Variants in TAOK3 observed in about 807,000 individuals in gnomAD.
TAOK3 encodes the protein TAO kinase 3.
Under a neutral mutation model 120.4 loss-of-function variants are expected in TAOK3, and 40 were observed. That is an observed-to-expected ratio of 0.33 (90% CI 0.26 to 0.43). TAOK3 has a LOEUF of 0.43. Ranked by LOEUF, TAOK3 falls within the 20% of genes least tolerant of loss-of-function variation. The pLI is 1.00. For missense variants in TAOK3, 821 were observed against 1,112.1 expected (o/e 0.74, Z 3.72); for synonymous variants, 355 against 387.5 (o/e 0.92, Z 0.99).
At chr12:118,182,760 T>A (rs2036843978) in intron 14 of TAOK3, among the ~76,000 whole-genome samples, 1 of 151,306 alleles carries the variant, frequency 6.6e-6, no homozygotes, top group South Asian at 2.1e-4. Context: ...GTCTCCCCCA[T>A]CCCCTTCTCT....
In TAOK3 at chr12:118,242,959, A is replaced by G. The variant is rs183515224; in HGVS notation, c.294+456T>C. Among the ~76,000 whole-genome samples, 41 of 151,822 alleles carry G rather than the reference A, an allele frequency of 2.7e-4. 1 individual carries two copies. Among genetic ancestry groups the G allele is most frequent in the Admixed American group, 2.4e-3 (36 of 15,232 alleles). On this transcript the variant is annotated intron_variant, in intron 5 of 20. Transcript: ENST00000392533. ...TATATATTTATATATATATATCACA[A>G]TAAGATGACAGAGTGGAACAAAAGT...
chr12:118,256,932 A>G (rs964066021), intron 2 of TAOK3, among the ~76,000 whole-genome samples: 14 of 152,214 alleles, frequency 9.2e-5, no homozygotes, highest in African/African-American at 3.4e-4. Flanking sequence ...GAGATATTAC[A>G]AAAATTCATT....
At position 118,371,747 on chromosome 12, in the gene TAOK3, G is replaced by A. The variant is rs2045901068; in HGVS notation, c.-194+901C>T. Among the ~76,000 whole-genome samples, 2 of 152,014 alleles carry A rather than the reference G, an allele frequency of 1.3e-5. No homozygotes were observed. Among genetic ancestry groups the A allele is most frequent in the South Asian group, 4.1e-4 (2 of 4,826 alleles). On this transcript the variant is annotated intron_variant, in intron 1 of 20. Transcript: ENST00000392533. This position sits in a 1 kb window ranked among gnomAD's most constrained non-coding sequence, Gnocchi z 5.5. ...CGCCCGCTCCCTCGCTGCTCACGCC[G>A]GGCCCCCGCTATGTGACTGGGGGCC... is the stretch of plus-strand genomic sequence containing the variant.
At chr12:118,329,042 T>C (rs1017839763) in intron 1 of TAOK3, among the ~76,000 whole-genome samples, 1 of 152,066 alleles carries the variant, frequency 6.6e-6, no homozygotes, top group African/African-American at 2.4e-5. Flanking sequence ...AACAGAATAA[T>C]GTAGCACACT....
intron 13 of TAOK3, among the ~76,000 whole-genome samples, chr12:118,196,580 A>C (rs353896): frequency 0.47 from 71,383 of 151,708 alleles, 17,495 homozygotes; most frequent in Non-Finnish European, 0.54. Flanking sequence ...GGGACAAAAG[A>C]TTCCTTCTCC....
At chr12:118,233,829 A>T in intron 8 of TAOK3, 64 bp from the exon 9 acceptor site, 2 of 987,270 alleles carry the variant, frequency 2.0e-6, no homozygotes, top group South Asian at 2.8e-5. Context: ...CAGGAAAGTG[A>T]TTCAATGAAA....
chr12:118,193,214 AT>A (rs891213872), intron 13 of TAOK3, among the ~76,000 whole-genome samples: 72 of 151,652 alleles, frequency 4.7e-4, no homozygotes, highest in African/African-American at 1.6e-3. Context: ...TACCTGGCTA[AT>A]TTTTTTGTAT....
intron 9 of TAOK3, among the ~76,000 whole-genome samples, chr12:118,226,211 T>A (rs1274790884): frequency 6.6e-6 from 1 of 152,176 alleles, no homozygotes; most frequent in Non-Finnish European, 1.5e-5. Flanking sequence ...CCGTCTCTAC[T>A]GAAAATACAA....
intron 1 of TAOK3, among the ~76,000 whole-genome samples, chr12:118,280,898 G>A (rs1260946915): frequency 6.6e-6 from 1 of 152,090 alleles, no homozygotes; most frequent in Non-Finnish European, 1.5e-5. Context: ...AGTTCTCATT[G>A]TAGAGATCTT....
rs189133487 is a variant in TAOK3 at position 118,195,199 on chromosome 12, T to A, written c.1194+3852A>T. Among the ~76,000 whole-genome samples the A allele has an allele frequency of 2.7e-3, 417 of 152,224 alleles. 4 individuals carry two copies. The highest frequency in any genetic ancestry group is 0.022 in the Admixed American group (333 of 15,292). On this transcript the variant is annotated intron_variant, in intron 13 of 20. Coordinates refer to ENST00000392533, the MANE Select transcript of TAOK3 (RefSeq NM_016281.4). ...TGGCGTTCAATAAGCATACCTAAAATAACACTGATTCAAGAACAATGCTTT... is the reference window on the plus strand; with the variant it reads ...TGGCGTTCAATAAGCATACCTAAAAAAACACTGATTCAAGAACAATGCTTT...
At chr12:118,260,022 A>G (rs2041157825) in intron 2 of TAOK3, among the ~76,000 whole-genome samples, 1 of 152,182 alleles carries the variant, frequency 6.6e-6, no homozygotes, top group Non-Finnish European at 1.5e-5. Flanking sequence ...CAGGATAAGA[A>G]ATCTCATAAT....
At chr12:118,314,330 TA>T (rs1485768359) in intron 1 of TAOK3, among the ~76,000 whole-genome samples, 6 of 152,212 alleles carry the variant, frequency 3.9e-5, no homozygotes, top group Admixed American at 2.0e-4. Flanking sequence ...TTTTGCATTT[TA>T]AAATATCTTT....
chr12:118,193,042 C>CGTT (rs1172254854), intron 13 of TAOK3, among the ~76,000 whole-genome samples: 7 of 121,254 alleles, frequency 5.8e-5, no homozygotes, highest in South Asian at 2.8e-4. Context: ...AAACTTACCA[C>CGTT]GTTGTTGTTT....
intron 16 of TAOK3, among the ~76,000 whole-genome samples, chr12:118,173,662 T>A (rs1328409308): frequency 2.6e-5 from 4 of 152,220 alleles, no homozygotes; most frequent in Non-Finnish European, 5.9e-5. Flanking sequence ...ATCTATATTT[T>A]CCAAGGACAA....
chr12:118,222,802 A>T (rs531141583), intron 9 of TAOK3, among the ~76,000 whole-genome samples: 32 of 152,156 alleles, frequency 2.1e-4, no homozygotes, highest in Non-Finnish European at 4.0e-4. Context: ...GGTGTGGGAT[A>T]AAAGACTACG....
chr12:118,209,319 C>G (rs2038498717), intron 11 of TAOK3, among the ~76,000 whole-genome samples: 1 of 152,206 alleles, frequency 6.6e-6, no homozygotes, highest in African/African-American at 2.4e-5. Context: ...CATAAAATAT[C>G]ACTAGAAGGA....
chr12:118,311,648 C>T (rs1223626523), intron 1 of TAOK3, among the ~76,000 whole-genome samples: 1 of 151,426 alleles, frequency 6.6e-6, no homozygotes, highest in Non-Finnish European at 1.5e-5. Flanking sequence ...AGCATTAGAT[C>T]TATGTAAAGA....
At chr12:118,368,357 C>CCGG (rs2045799875) in intron 1 of TAOK3, among the ~76,000 whole-genome samples, 1 of 152,056 alleles carries the variant, frequency 6.6e-6, no homozygotes, top group Admixed American at 6.5e-5. Flanking sequence ...CCACCACGCC[C>CCGG]CGGCTAATGT....
chr12:118,297,988 C>T (rs2042745408), intron 1 of TAOK3, among the ~76,000 whole-genome samples: 1 of 152,102 alleles, frequency 6.6e-6, no homozygotes, highest in African/African-American at 2.4e-5. Context: ...CTGTGTTGCC[C>T]AGGCTGGTCT....
Sources: allele counts gnomAD v4.1 joint callset (sites outside exome capture counted in the v4.1 genomes callset), GRCh38; gene constraint gnomAD v4.1.1; non-coding constraint Gnocchi (gnomAD v3.1); transcripts MANE v1.5; gene names NCBI Gene and HGNC (gene_info 2026-07-23, HGNC 2026-07-21).